PDE4D: variants seen among roughly 807,000 people sequenced by gnomAD.
The protein encoded by PDE4D is 3',5'-cyclic-AMP phosphodiesterase 4D.
PDE4D carries 24 observed loss-of-function variants against 87.4 expected under a neutral mutation model. The observed-to-expected ratio is 0.27, with a 90% CI of 0.20 to 0.39. PDE4D has a LOEUF of 0.39. Among genes scored for constraint, PDE4D ranks in the 10% least tolerant of loss-of-function variants. The pLI is 1.00. For missense variants in PDE4D, 714 were observed against 1,041.0 expected (o/e 0.69, Z 4.32); for synonymous variants, 384 against 383.2 (o/e 1.00, Z -0.02).
At chr5:59,169,899 C>T (rs1782494423) in intron 5 of PDE4D, among the ~76,000 whole-genome samples, 1 of 152,162 alleles carries the variant, frequency 6.6e-6, no homozygotes, top group African/African-American at 2.4e-5. Flanking sequence ...TGTGGTTGTT[C>T]TCAGGAAGCC....
chr5:59,056,055 G>A (rs1223615298), intron 5 of PDE4D, among the ~76,000 whole-genome samples: 1 of 152,184 alleles, frequency 6.6e-6, no homozygotes, highest in Non-Finnish European at 1.5e-5. Context: ...AAAGTTCAGA[G>A]GTTCCAGACA....
At chr5:60,280,027 A>C (rs1751741970) in intron 1 of PDE4D, among the ~76,000 whole-genome samples, 1 of 152,124 alleles carries the variant, frequency 6.6e-6, no homozygotes, top group African/African-American at 2.4e-5. Context: ...ATGAGAAAAA[A>C]AGAAAACCCA....
At chr5:59,268,442 T>C (rs1340879793) in intron 1 of PDE4D, among the ~76,000 whole-genome samples, 1 of 152,050 alleles carries the variant, frequency 6.6e-6, no homozygotes, top group African/African-American at 2.4e-5. Context: ...CACAGTTATA[T>C]TTAACAGTGT....
At chr5:60,137,921 T>A (rs1459042703) in intron 2 of PDE4D, among the ~76,000 whole-genome samples, 2 of 152,188 alleles carry the variant, frequency 1.3e-5, no homozygotes, top group Non-Finnish European at 2.9e-5. Context: ...GTTTTGGTTT[T>A]TATATTGAAT....
chr5:60,193,120 T>C (rs948092539), intron 1 of PDE4D, among the ~76,000 whole-genome samples: 1 of 152,054 alleles, frequency 6.6e-6, no homozygotes, highest in Non-Finnish European at 1.5e-5. Flanking sequence ...CTTACCTCTT[T>C]CTTTCAGATC....
chr5:58,989,908 T>G lies in PDE4D; in HGVS notation c.1299A>C (p.Leu433Phe). 6.5e-7 allele frequency: 1 copy of G among 1,529,186 alleles called. No homozygotes were observed. The allele number at this position is 1,529,186 out of a possible 1,614,324, so 94.7% of individuals were successfully genotyped here. ...IMHTIFQERD[L>F]LKTFKIPVDT... ...CTACTGGAATTTTAAATGTTTTTAATAAATCCCGTTCCTGTAGGAAAAAAA... is the reference window on the plus strand; with the variant it reads ...CTACTGGAATTTTAAATGTTTTTAAGAAATCCCGTTCCTGTAGGAAAAAAA... Residue 433 changes from leucine (L) to phenylalanine (F), a missense_variant, in exon 10 of 15, where the codon TTA (leucine) becomes TTC (phenylalanine). By Grantham distance (22) the Leu-to-Phe change is conservative. This residue lies in a region of PDE4D where 141 missense variants were observed against 204.3 expected (regional missense o/e 0.69). Transcript: ENST00000340635.
At chr5:59,331,808 T>C (rs1322944794) in intron 1 of PDE4D, among the ~76,000 whole-genome samples, 1 of 152,246 alleles carries the variant, frequency 6.6e-6, no homozygotes, top group Non-Finnish European at 1.5e-5. Flanking sequence ...CACAGGCTTC[T>C]ATTTCCTACT....
chr5:59,102,907 G>A (rs2153434494), intron 5 of PDE4D, among the ~76,000 whole-genome samples: 1 of 152,276 alleles, frequency 6.6e-6, no homozygotes. Context: ...ACACTTAACA[G>A]CCGAATGTTA....
intron 5 of PDE4D, among the ~76,000 whole-genome samples, chr5:59,053,657 TG>T (rs1384045178): frequency 0.083 from 6,385 of 76,918 alleles, 698 homozygotes; most frequent in African/African-American, 0.24. Flanking sequence ...TTTTTTTTGT[TG>T]TTGTTTTTTT....
intron 2 of PDE4D, among the ~76,000 whole-genome samples, chr5:60,088,093 T>C (rs1218711943): frequency 6.6e-6 from 1 of 152,180 alleles, no homozygotes. Flanking sequence ...AGTGAGATGC[T>C]ATATTCACAG....
intron 1 of PDE4D, among the ~76,000 whole-genome samples, chr5:59,853,826 A>C (rs1745026221): frequency 1.3e-5 from 2 of 152,014 alleles, no homozygotes. Context: ...TACTGAGTTT[A>C]TCTTGCTCTT....
At chr5:59,747,143 C>T (rs1396812724) in intron 1 of PDE4D, among the ~76,000 whole-genome samples, 3 of 152,112 alleles carry the variant, frequency 2.0e-5, no homozygotes, top group Non-Finnish European at 2.9e-5. Flanking sequence ...TGACAGATAA[C>T]GGTGCCCCAT....
chr5:59,411,796 T>C (rs1374798629), intron 1 of PDE4D, among the ~76,000 whole-genome samples: 1 of 152,206 alleles, frequency 6.6e-6, no homozygotes, highest in African/African-American at 2.4e-5. Flanking sequence ...ATTCAGCCCA[T>C]AAAAAAGATC....
chr5:59,658,538 C>T (rs995747421), intron 1 of PDE4D, among the ~76,000 whole-genome samples: 6 of 152,138 alleles, frequency 3.9e-5, no homozygotes, highest in Non-Finnish European at 8.8e-5. Flanking sequence ...CCCGCCACTG[C>T]GCCCAGCTAA....
intron 3 of PDE4D, among the ~76,000 whole-genome samples, chr5:59,185,931 C>T (rs1469760110): frequency 6.6e-6 from 1 of 152,174 alleles, no homozygotes; most frequent in African/African-American, 2.4e-5. Context: ...TGCCCACACA[C>T]ATAACAAGGC....
intron 1 of PDE4D, among the ~76,000 whole-genome samples, chr5:59,393,830 C>T (rs1788737399): frequency 7.6e-6 from 1 of 131,902 alleles, no homozygotes; most frequent in African/African-American, 2.9e-5. Flanking sequence ...TCTTCCTCTC[C>T]TTTCCTCTAA....
At chr5:59,562,611 G>T (rs142224893) in intron 1 of PDE4D, among the ~76,000 whole-genome samples, 1 of 152,064 alleles carries the variant, frequency 6.6e-6, no homozygotes, top group Non-Finnish European at 1.5e-5. Flanking sequence ...ATGTTTTTCC[G>T]TCTCTTTGTC....
At chr5:60,030,664 A>G (rs1767147106) in intron 2 of PDE4D, among the ~76,000 whole-genome samples, 1 of 152,240 alleles carries the variant, frequency 6.6e-6, no homozygotes, top group Non-Finnish European at 1.5e-5. Flanking sequence ...TATTTCAACC[A>G]TAGATAACAT....
At chr5:59,167,502 C>A (rs1279621350) in intron 5 of PDE4D, among the ~76,000 whole-genome samples, 1 of 152,076 alleles carries the variant, frequency 6.6e-6, no homozygotes, top group Non-Finnish European at 1.5e-5. Flanking sequence ...CTTCTTTTAC[C>A]AATCTCAGCC....
Sources: gnomAD v4.1 joint callset for allele counts (sites outside exome capture counted in the v4.1 genomes callset) on GRCh38, gnomAD v4.1.1 for gene constraint, gnomAD v4.1.1 regional missense constraint, MANE v1.5 for transcripts, NCBI Gene and HGNC (gene_info 2026-07-23, HGNC 2026-07-21) for gene names.